DLC1: variants seen among roughly 807,000 people sequenced by gnomAD.
DLC1 encodes the protein DLC1 Rho GTPase activating protein.
A neutral mutation model predicts 140.3 loss-of-function variants in DLC1; 54 were observed. That is an observed-to-expected ratio of 0.38 (90% CI 0.31 to 0.48). The LOEUF (loss-of-function observed/expected upper bound fraction) is 0.48. Among genes scored for constraint, DLC1 ranks in the 20% least tolerant of loss-of-function variants. The pLI is 0.96. For missense variants in DLC1, 2,536 were observed against 1,907.0 expected, an observed-to-expected ratio of 1.33 and a Z score of -6.14; for synonymous variants, 986 against 728.1, an observed-to-expected ratio of 1.35 and a Z score of -5.70.
At chr8:13,133,372 C>T (rs1240181688) in intron 5 of DLC1, 8 of 1,013,406 alleles carry the variant, frequency 7.9e-6, no homozygotes, top group Non-Finnish European at 9.7e-6. Context: ...GCACCGCCTC[C>T]TCCCCGCTGT....
At chr8:13,358,207 A>G (rs1389470333) in intron 4 of DLC1, among the ~76,000 whole-genome samples, 1 of 152,250 alleles carries the variant, frequency 6.6e-6, no homozygotes, top group Non-Finnish European at 1.5e-5. Flanking sequence ...ACTAAAACCA[A>G]TTATATCAGA....
At chr8:13,322,657 G>A (rs543913524) in intron 4 of DLC1, among the ~76,000 whole-genome samples, 6 of 152,162 alleles carry the variant, frequency 3.9e-5, no homozygotes, top group Non-Finnish European at 7.3e-5. Context: ...AATCTGTGCT[G>A]AAATATGCTA....
At chr8:13,204,612 A>C (rs1424354190) in intron 5 of DLC1, among the ~76,000 whole-genome samples, 2 of 152,222 alleles carry the variant, frequency 1.3e-5, no homozygotes, top group African/African-American at 2.4e-5. Flanking sequence ...TATTGAGCTA[A>C]AGTCATGGCT....
rs572168587 is a variant in DLC1, at chr8:13,415,693, C to T, written c.1024-14074G>A. 3.3e-5 allele frequency among the ~76,000 whole-genome samples: 5 copies of T among 152,224 alleles called. No individual in the cohort carries two copies. The South Asian group carries it at 1.0e-3, about 32-fold the overall frequency. ...GGATTACAGGCATGAGCCACTGCAA[C>T]CGGCTGATTTAATTTTTATCTTATT... is the stretch of plus-strand genomic sequence containing the variant. On this transcript the variant is annotated intron_variant, in intron 2 of 17. Coordinates refer to ENST00000276297, the MANE Select transcript of DLC1 (RefSeq NM_182643.3).
chr8:13,438,071 T>C (rs1370099202), intron 2 of DLC1, among the ~76,000 whole-genome samples: 1 of 151,978 alleles, frequency 6.6e-6, no homozygotes, highest in Non-Finnish European at 1.5e-5. Context: ...AAAATTAACA[T>C]GTTTTTCTCT....
At chr8:13,463,597 A>C (rs1338621880) in intron 2 of DLC1, among the ~76,000 whole-genome samples, 1 of 152,220 alleles carries the variant, frequency 6.6e-6, no homozygotes, top group East Asian at 1.9e-4. Context: ...ATTTCTCATA[A>C]AATAGACACA....
chr8:13,089,782 C>T (rs1817890152), intron 15 of DLC1, among the ~76,000 whole-genome samples: 1 of 152,224 alleles, frequency 6.6e-6, no homozygotes. Flanking sequence ...CTGAGCCTTA[C>T]AAGATGCCTC....
chr8:13,133,292 C>G, intron 5 of DLC1: 2 of 1,267,106 alleles, frequency 1.6e-6, no homozygotes, highest in Non-Finnish European at 2.0e-6. Context: ...AGCGAACTGT[C>G]TCCCGCGCGC....
intron 5 of DLC1, among the ~76,000 whole-genome samples, chr8:13,236,357 G>A (rs772414644): frequency 2.0e-5 from 3 of 152,036 alleles, no homozygotes; most frequent in African/African-American, 2.4e-5. Context: ...AGTGAATAGC[G>A]CTATTGTACT....
At chr8:13,326,207 T>G (rs938403359) in intron 4 of DLC1, among the ~76,000 whole-genome samples, 1 of 152,102 alleles carries the variant, frequency 6.6e-6, no homozygotes, top group Non-Finnish European at 1.5e-5. Flanking sequence ...TTATGAAAAA[T>G]GAGATCTAAG....
At chr8:13,495,947 T>C (rs764091978) in intron 2 of DLC1, among the ~76,000 whole-genome samples, 2 of 152,216 alleles carry the variant, frequency 1.3e-5, no homozygotes, top group Non-Finnish European at 2.9e-5. Context: ...AAGGATTTGA[T>C]TCAATCACAT....
chr8:13,087,814 C>T (rs182302639), intron 16 of DLC1, among the ~76,000 whole-genome samples: 36 of 152,328 alleles, frequency 2.4e-4, no homozygotes, highest in Non-Finnish European at 4.4e-4. Flanking sequence ...TTATGAATTA[C>T]ACATACATCA....
intron 5 of DLC1, among the ~76,000 whole-genome samples, chr8:13,206,691 G>A (rs751784878): frequency 6.6e-6 from 1 of 152,010 alleles, no homozygotes; most frequent in Non-Finnish European, 1.5e-5. Flanking sequence ...GCTATAGACT[G>A]ACATTGATAT....
intron 3 of DLC1, among the ~76,000 whole-genome samples, chr8:13,398,447 T>A (rs1302192628): frequency 6.6e-6 from 1 of 151,320 alleles, no homozygotes; most frequent in Non-Finnish European, 1.5e-5. Flanking sequence ...TGGGGAGAAA[T>A]GATGGAGCAA....
chr8:13,178,572 CAAAAA>C (rs75910995), intron 5 of DLC1, among the ~76,000 whole-genome samples: 3 of 79,106 alleles, frequency 3.8e-5, no homozygotes, highest in Admixed American at 1.5e-4. Context: ...GACTCTGCCT[CAAAAA>C]AAAAAAAAAA....
intron 4 of DLC1, among the ~76,000 whole-genome samples, chr8:13,326,712 C>A (rs116216918): frequency 6.6e-6 from 1 of 152,150 alleles, no homozygotes; most frequent in Non-Finnish European, 1.5e-5. Context: ...AATCATCTAC[C>A]GGGCCTGCTC....
chr8:13,110,898 C>T, intron 6 of DLC1, 75 bp from the exon 7 acceptor site: 2 of 1,368,622 alleles, frequency 1.5e-6, no homozygotes, highest in Non-Finnish European at 2.1e-6. Context: ...TTTACCAAAG[C>T]AGGGATAAAA....
At chr8:13,483,730 T>A (rs995751713) in intron 2 of DLC1, among the ~76,000 whole-genome samples, 4 of 152,146 alleles carry the variant, frequency 2.6e-5, no homozygotes, top group Non-Finnish European at 5.9e-5. Flanking sequence ...GAAAACCATG[T>A]CTTCCATATT....
chr8:13,471,370 T>A (rs1198155315), intron 2 of DLC1, among the ~76,000 whole-genome samples: 1 of 151,720 alleles, frequency 6.6e-6, no homozygotes, highest in Non-Finnish European at 1.5e-5. Context: ...TTAGATTGAT[T>A]GTGGCCATTA....
Sources: gnomAD v4.1 joint callset for allele counts (sites outside exome capture counted in the v4.1 genomes callset) on GRCh38, gnomAD v4.1.1 for gene constraint, MANE v1.5 for transcripts, NCBI Gene and HGNC (gene_info 2026-07-23, HGNC 2026-07-21) for gene names.